SNAP25: variants seen among roughly 807,000 people sequenced by gnomAD.
The protein encoded by SNAP25 is synaptosome associated protein 25, also known as synaptosomal-associated protein 25.
SNAP25 carries 3 observed loss-of-function variants against 28.7 expected under a neutral mutation model. The ratio of observed to expected loss-of-function variants is 0.10; its 90% CI spans 0.05 to 0.27. The LOEUF (loss-of-function observed/expected upper bound fraction) is 0.27, where lower values mean the gene tolerates loss of function less well. SNAP25 is among the 10% of genes least tolerant of loss of function. SNAP25 has a pLI of 1.00. For synonymous variants in SNAP25, 61 were observed against 88.1 expected, an observed-to-expected ratio of 0.69 and a Z score of 1.72; for missense variants, 117 against 278.7, an observed-to-expected ratio of 0.42 and a Z score of 4.13.
chr20:10,305,044 T>C (rs1464001020), intron 7 of SNAP25, among the ~76,000 whole-genome samples: 10 of 152,204 alleles, frequency 6.6e-5, no homozygotes, highest in Non-Finnish European at 1.2e-4. Context: ...TGTTTAAGTC[T>C]CATCAATTTT....
chr20:10,229,302 T>C (rs1035578358), intron 1 of SNAP25, among the ~76,000 whole-genome samples: 1 of 152,122 alleles, frequency 6.6e-6, no homozygotes, highest in African/African-American at 2.4e-5. Flanking sequence ...ATATTGTGTG[T>C]GCACATGTGT....
At chr20:10,270,019 C>T (rs867582663) in intron 1 of SNAP25, among the ~76,000 whole-genome samples, 10 of 152,224 alleles carry the variant, frequency 6.6e-5, no homozygotes, top group South Asian at 4.2e-4. Flanking sequence ...TTTGGGAGGC[C>T]GAGGCGGGCG....
rs192156088 is a variant in SNAP25 at position 10,248,212 on chromosome 20, T to A, written c.-63-27217T>A. The stretch of plus-strand genomic sequence containing the variant: ...CACAGAAGCCAACAAAAAGTATACT[T>A]GGCTTTAAGGATAAGGGTACAGGGT... On this transcript the variant is annotated intron_variant, in intron 1 of 7. Transcript: ENST00000254976. Among the ~76,000 whole-genome samples, 216 of 152,294 alleles carry A rather than the reference T, an allele frequency of 1.4e-3. 3 individuals carry two copies. The highest frequency in any genetic ancestry group is 2.9e-4 in the Non-Finnish European group (20 of 68,024).
chr20:10,305,641 AT>A (rs1174539552), intron 7 of SNAP25, among the ~76,000 whole-genome samples: 1 of 152,162 alleles, frequency 6.6e-6, no homozygotes, highest in African/African-American at 2.4e-5. Flanking sequence ...CATTAGCAAT[AT>A]TTTTTATCAT....
chr20:10,248,689 GCATT>G (rs2063172711), intron 1 of SNAP25, among the ~76,000 whole-genome samples: 2 of 152,208 alleles, frequency 1.3e-5, no homozygotes, highest in South Asian at 4.1e-4. Context: ...AGTAGAGCCA[GCATT>G]CAAAGTAGTG....
rs1428444852 is a variant in SNAP25, at chr20:10,306,806, C to T, written c.*609C>T. 6.5e-6 allele frequency: 1 copy of T among 154,584 alleles called. No homozygotes were observed. Among genetic ancestry groups the T allele is most frequent in the Non-Finnish European group, 1.5e-5 (1 of 68,210 alleles). 9.6% of individuals were successfully genotyped at this position (154,584 alleles called of 1,614,324 possible). On this transcript the variant is annotated 3_prime_UTR_variant, in exon 8 of 8. Transcript: ENST00000254976. ...ACAGTAGCATACTGATGAGACAACA[C>T]ACACACACACAAAACAACAGCAACA... is the stretch of plus-strand genomic sequence containing the variant.
At chr20:10,256,730 A>G (rs897133809) in intron 1 of SNAP25, among the ~76,000 whole-genome samples, 2 of 152,184 alleles carry the variant, frequency 1.3e-5, no homozygotes, top group African/African-American at 4.8e-5. Flanking sequence ...AATGGCAAAA[A>G]GAAAGGGAAT....
chr20:10,300,791 T>A (rs1298628165), intron 7 of SNAP25, among the ~76,000 whole-genome samples: 1 of 152,204 alleles, frequency 6.6e-6, no homozygotes, highest in South Asian at 2.1e-4. Context: ...TTGCAAGTAA[T>A]GGCATGCTTA....
intron 1 of SNAP25, among the ~76,000 whole-genome samples, chr20:10,221,845 A>G (rs1035484040): frequency 3.9e-5 from 6 of 152,274 alleles, no homozygotes; most frequent in Admixed American, 3.3e-4. Context: ...CCTTCAGCAT[A>G]ACACGTAGGT....
At chr20:10,229,359 CTCTT>C (rs1175479161) in intron 1 of SNAP25, among the ~76,000 whole-genome samples, 3 of 152,056 alleles carry the variant, frequency 2.0e-5, no homozygotes, top group Non-Finnish European at 2.9e-5. Context: ...CAAACCCAGA[CTCTT>C]TCTTGGAGCC....
intron 1 of SNAP25, among the ~76,000 whole-genome samples, chr20:10,236,072 T>C (rs939900399): frequency 1.3e-5 from 2 of 152,200 alleles, no homozygotes; most frequent in African/African-American, 4.8e-5. Context: ...CTTGGGAGCA[T>C]AGGTCAGAGA....
intron 1 of SNAP25, among the ~76,000 whole-genome samples, chr20:10,224,311 C>T (rs1489069970): frequency 2.2e-5 from 2 of 92,764 alleles, no homozygotes; most frequent in Admixed American, 3.1e-4. Flanking sequence ...TTCCTCCTCA[C>T]TTGGGTAGCA....
chr20:10,277,511 CT>C (rs1477875418), intron 2 of SNAP25, among the ~76,000 whole-genome samples, 173 bp from the exon 3 acceptor site: 1 of 152,114 alleles, frequency 6.6e-6, no homozygotes, highest in Non-Finnish European at 1.5e-5. Context: ...TGTAAAAAGC[CT>C]GATAGGAAAG....
chr20:10,296,810 T>C (rs2064121823), intron 5 of SNAP25, 115 bp from the exon 6 acceptor site: 2 of 1,505,586 alleles, frequency 1.3e-6, no homozygotes, highest in Admixed American at 1.8e-5. Context: ...TATTATCTAA[T>C]GCCTCGACTT....
Position 10,296,727 on chromosome 20 carries a change from A to C in SNAP25, c.282-198A>C. 4 of 640,426 alleles carry C rather than the reference A, an allele frequency of 6.2e-6. No individual in the cohort carries two copies. The South Asian group carries it at 8.6e-5, about 14-fold the overall frequency. The allele number at this position is 640,426 out of a possible 1,614,324, so 39.7% of individuals were successfully genotyped here. ...ATTGCAGTCCATTGCAATGGATTCG[A>C]TTGGAAGTGAAATGTTGAGTAGCTG... On this transcript the variant is annotated intron_variant, in intron 5 of 7. Transcript: ENST00000254976.
intron 3 of SNAP25, among the ~76,000 whole-genome samples, chr20:10,283,995 A>T (rs566611178): frequency 6.6e-6 from 1 of 152,308 alleles, no homozygotes; most frequent in African/African-American, 2.4e-5. Flanking sequence ...TGCCTTTTAA[A>T]GACTTCCCCG....
intron 3 of SNAP25, among the ~76,000 whole-genome samples, chr20:10,278,398 G>C (rs941407203): frequency 6.6e-6 from 1 of 152,120 alleles, no homozygotes; most frequent in Non-Finnish European, 1.5e-5. Flanking sequence ...GAATCAAAAG[G>C]GCACTTGCAA....
intron 3 of SNAP25, among the ~76,000 whole-genome samples, chr20:10,284,262 C>A (rs1157540116): frequency 6.6e-6 from 1 of 152,136 alleles, no homozygotes; most frequent in African/African-American, 2.4e-5. Flanking sequence ...AAGATTCTTG[C>A]ACATCTTCCC....
Position 10,307,278 on chromosome 20 carries a change from A to G in SNAP25, c.*1081A>G, listed in dbSNP as rs1193422593. 1 of 152,658 alleles carries G rather than the reference A, an allele frequency of 6.6e-6. No individual in the cohort carries two copies. 9.5% of individuals were successfully genotyped at this position (152,658 alleles called of 1,614,324 possible). A position where few individuals can be genotyped will look rare whatever the true frequency, so the allele number is the denominator to read the frequency against. On this transcript the variant is annotated 3_prime_UTR_variant, in exon 8 of 8. Transcript: ENST00000254976. ...TGATAAAGAAACCTTTTAAAAAAAT[A>G]ATATAAATGAATGAAATATAAACTG... is the stretch of plus-strand genomic sequence containing the variant.
Sources: allele counts gnomAD v4.1 joint callset (sites outside exome capture counted in the v4.1 genomes callset), GRCh38; gene constraint gnomAD v4.1.1; transcripts MANE v1.5; gene names NCBI Gene and HGNC (gene_info 2026-07-23, HGNC 2026-07-21).